Variants in SLC27A6 observed in about 807,000 individuals in gnomAD.
SLC27A6 encodes long-chain fatty acid transport protein 6.
In SLC27A6, 74 loss-of-function variants were observed where a neutral mutation model predicts 63.9. That is an observed-to-expected ratio of 1.16 (90% CI 0.96 to 1.40). The LOEUF (loss-of-function observed/expected upper bound fraction) is 1.40. SLC27A6 is among the 40% of genes most tolerant of loss of function. SLC27A6 has a pLI of 0.00. For missense variants in SLC27A6, 794 were observed against 732.9 expected, an observed-to-expected ratio of 1.08 and a Z score of -0.96; for synonymous variants, 287 against 260.8, an observed-to-expected ratio of 1.10 and a Z score of -0.97.
Position 128,988,581 on chromosome 5 carries a change from T to G in SLC27A6, c.686-19T>G. 1 of 1,608,730 alleles carries G rather than the reference T, an allele frequency of 6.2e-7. No homozygotes were observed. Among genetic ancestry groups the G allele is most frequent in the Non-Finnish European group, 8.5e-7 (1 of 1,175,890 alleles). On this transcript the variant is annotated intron_variant, in intron 2 of 9. Coordinates refer to ENST00000262462, the MANE Select transcript of SLC27A6 (RefSeq NM_001017372.3). ...TGTATGTGTGTATATATATTTCCTG[T>G]TCTTTTCTTTTCTTCCAGGTCTACC...
intron 4 of SLC27A6, among the ~76,000 whole-genome samples, chr5:128,993,521 G>GT (rs1751046611): frequency 1.3e-5 from 2 of 152,078 alleles, no homozygotes; most frequent in Admixed American, 1.3e-4. Flanking sequence ...TTTTCCAGCT[G>GT]TATTTCCCTT....
rs151222521 is a variant in SLC27A6, at chr5:129,011,929, C to T, written c.970-3956C>T. On this transcript the variant is annotated intron_variant, in intron 4 of 9. Coordinates refer to ENST00000262462, the MANE Select transcript of SLC27A6 (RefSeq NM_001017372.3). ...CCAAAAACCATCTCTAGCTTCCAAGCCTGTTTGCCACACAAATACCCTTGA... is the reference window on the plus strand; with the variant it reads ...CCAAAAACCATCTCTAGCTTCCAAGTCTGTTTGCCACACAAATACCCTTGA... Among the ~76,000 whole-genome samples the T allele has an allele frequency of 4.2e-3, 642 of 152,048 alleles. 9 individuals are homozygous for T. Among genetic ancestry groups the T allele is most frequent in the Middle Eastern group, 0.014 (4 of 292 alleles).
intron 4 of SLC27A6, among the ~76,000 whole-genome samples, chr5:128,997,572 A>G (rs1321970405): frequency 6.6e-6 from 1 of 152,224 alleles, no homozygotes; most frequent in East Asian, 1.9e-4. Context: ...AACTATGTGT[A>G]TATATTAAAG....
Position 129,033,208 on chromosome 5 carries a change from A to G in SLC27A6, c.1786A>G (p.Asn596Asp). 1 of 1,602,630 alleles carries G rather than the reference A, an allele frequency of 6.2e-7. No homozygotes were observed. The highest frequency in any genetic ancestry group is 8.5e-7 in the Non-Finnish European group (1 of 1,173,576). The change falls in exon 10 of 10, where the codon AAC becomes GAC. Residue 596 changes from asparagine to aspartate, a missense_variant. Physicochemically the swap from Asn to Asp is conservative, Grantham distance 23 (BLOSUM62 1). Transcript: ENST00000262462. The part of the protein sequence containing the change: ...KISEPLYFMD[N>D]LKKSYVLLTR... ...TTCTGAACCACTTTACTTCATGGATAACTTGAAAAAGTCTTATGTTCTACT... is the reference window on the plus strand; with the variant it reads ...TTCTGAACCACTTTACTTCATGGATGACTTGAAAAAGTCTTATGTTCTACT...
At chr5:128,988,825 C>A in intron 3 of SLC27A6, 67 bp downstream of exon 3, 1 of 1,262,950 alleles carries the variant, frequency 7.9e-7, no homozygotes, top group Non-Finnish European at 1.1e-6. Flanking sequence ...TATTTATTAA[C>A]ATTTGAAGCT....
chr5:128,985,084 G>A (rs1405641987), intron 1 of SLC27A6, 49 bp from the exon 2 acceptor site: 1 of 1,373,574 alleles, frequency 7.3e-7, no homozygotes, highest in East Asian at 2.3e-5. Context: ...AAAGTGAATT[G>A]TTTGAGATTT....
intron 4 of SLC27A6, among the ~76,000 whole-genome samples, chr5:129,000,409 A>G (rs1751294607): frequency 6.6e-6 from 1 of 152,184 alleles, no homozygotes; most frequent in Non-Finnish European, 1.5e-5. Flanking sequence ...ATATTTAAAC[A>G]AAAGAGAGTA....
At chr5:128,995,933 C>G (rs558813918) in intron 4 of SLC27A6, among the ~76,000 whole-genome samples, 2 of 152,154 alleles carry the variant, frequency 1.3e-5, no homozygotes, top group South Asian at 4.2e-4. Flanking sequence ...TGGGTAGAAT[C>G]AAGGATAAGT....
Position 129,033,121 on chromosome 5 carries a change from A to G in SLC27A6, c.1699A>G (p.Thr567Ala), listed in dbSNP as rs1199476909. Residue 567 changes from threonine to alanine, a missense_variant, in exon 10 of 10, where the codon ACA becomes GCA. Coordinates refer to ENST00000262462, the MANE Select transcript of SLC27A6 (RefSeq NM_001017372.3). ...TGCTTTACAGGAAAAAATGGAAGCA[A>G]CAGGAACATTCAAACTATTGAAGCA... Reference protein sequence around the residue: ...FLRIQEKMEATGTFKLLKHQL... With the variant: ...FLRIQEKMEAAGTFKLLKHQL... 2.2e-5 allele frequency: 35 copies of G among 1,606,872 alleles called. No homozygotes were observed. Among genetic ancestry groups the G allele is most frequent in the Non-Finnish European group, 3.0e-5 (35 of 1,176,318 alleles).
chr5:128,976,663 GTTAACAATAACTACAAA>G (rs148070975), intron 1 of SLC27A6, among the ~76,000 whole-genome samples: 48,410 of 152,066 alleles, frequency 0.32, 8,459 homozygotes, highest in East Asian at 0.62. Flanking sequence ...AAGAACATTT[GTTAACAATAACTACAAA>G]CTATGCACCA....
At chr5:129,019,389 T>A (rs1262025808) in intron 5 of SLC27A6, among the ~76,000 whole-genome samples, 10 of 148,360 alleles carry the variant, frequency 6.7e-5, no homozygotes, top group African/African-American at 2.5e-4. Flanking sequence ...AAAAGGCAGC[T>A]GAAAAAAATG....
At chr5:128,995,315 T>C (rs1751120436) in intron 4 of SLC27A6, among the ~76,000 whole-genome samples, 1 of 152,170 alleles carries the variant, frequency 6.6e-6, no homozygotes, top group Non-Finnish European at 1.5e-5. Flanking sequence ...ATGTAACATA[T>C]TCATTTCCTC....
At chr5:129,013,187 C>T (rs561303385) in intron 4 of SLC27A6, among the ~76,000 whole-genome samples, 15 of 152,102 alleles carry the variant, frequency 9.9e-5, no homozygotes, top group African/African-American at 3.4e-4. Context: ...CTTCAAATAG[C>T]ATATTTTCCA....
chr5:128,991,432 G>T (rs1412555915), intron 4 of SLC27A6, among the ~76,000 whole-genome samples: 1 of 152,194 alleles, frequency 6.6e-6, no homozygotes, highest in African/African-American at 2.4e-5. Flanking sequence ...TAAACAGAGA[G>T]CTATCCAAGA....
At position 129,033,308 on chromosome 5, in the gene SLC27A6, T is replaced by A. The variant is rs1752470054; in HGVS notation, c.*26T>A. On this transcript the variant is annotated 3_prime_UTR_variant, in exon 10 of 10. Coordinates refer to ENST00000262462, the MANE Select transcript of SLC27A6 (RefSeq NM_001017372.3). Reference sequence around the variant, plus strand: ...GATTTTTATATCTAGAACTTTCATATGCTTTCTTAGGAAGAGTGAGAGGGG... The same window carrying A: ...GATTTTTATATCTAGAACTTTCATAAGCTTTCTTAGGAAGAGTGAGAGGGG... 2 of 1,431,200 alleles carry A rather than the reference T, an allele frequency of 1.4e-6. No homozygotes were observed. The highest frequency in any genetic ancestry group is 1.4e-5 in the African/African-American group (1 of 69,342). The allele number at this position is 1,431,200 out of a possible 1,614,324, so 88.7% of individuals were successfully genotyped here.
intron 4 of SLC27A6, among the ~76,000 whole-genome samples, chr5:129,012,566 A>G (rs535324902): frequency 6.6e-6 from 1 of 152,210 alleles, no homozygotes; most frequent in Admixed American, 6.5e-5. Flanking sequence ...GAAGTTAAAA[A>G]TATCTCAGTC....
At chr5:129,007,987 C>T (rs891446584) in intron 4 of SLC27A6, among the ~76,000 whole-genome samples, 2 of 151,596 alleles carry the variant, frequency 1.3e-5, no homozygotes, top group African/African-American at 4.8e-5. Flanking sequence ...AATATATGGC[C>T]ATATTATGGT....
chr5:129,017,818 T>C (rs955091093), intron 5 of SLC27A6, among the ~76,000 whole-genome samples: 2 of 152,134 alleles, frequency 1.3e-5, no homozygotes, highest in African/African-American at 4.8e-5. Flanking sequence ...TTTATCACAC[T>C]AAATGAAATA....
chr5:129,013,630 G>A (rs778888998), intron 4 of SLC27A6, among the ~76,000 whole-genome samples: 42 of 151,902 alleles, frequency 2.8e-4, no homozygotes, highest in Non-Finnish European at 4.6e-4. Context: ...GCCAGAAAAT[G>A]TCCAACTGTA....
Sources: allele counts gnomAD v4.1 joint callset (sites outside exome capture counted in the v4.1 genomes callset), GRCh38; gene constraint gnomAD v4.1.1; transcripts MANE v1.5; gene names NCBI Gene and HGNC (gene_info 2026-07-23, HGNC 2026-07-21).